Variants in CNTNAP2 observed in about 807,000 individuals in gnomAD.
CNTNAP2 encodes the protein contactin associated protein 2.
Under a neutral mutation model 155.2 loss-of-function variants are expected in CNTNAP2, and 98 were observed. The observed-to-expected ratio is 0.63, with a 90% CI of 0.54 to 0.75. The LOEUF (loss-of-function observed/expected upper bound fraction) is 0.75, where lower values mean the gene tolerates loss of function less well. Ranked by LOEUF, CNTNAP2 falls within the 30% of genes least tolerant of loss-of-function variation. CNTNAP2 has a pLI of 0.00. For synonymous variants in CNTNAP2, 651 were observed against 631.2 expected, an observed-to-expected ratio of 1.03 and a Z score of -0.47; for missense variants, 1,727 against 1,688.1, an observed-to-expected ratio of 1.02 and a Z score of -0.40.
chr7:148,264,210 TTTA>T (rs1419437963), intron 20 of CNTNAP2, among the ~76,000 whole-genome samples: 8 of 152,232 alleles, frequency 5.3e-5, no homozygotes, highest in Admixed American at 5.2e-4. Context: ...TTGTTGTATA[TTTA>T]TTGAGACAGA....
intron 21 of CNTNAP2, among the ~76,000 whole-genome samples, chr7:148,269,147 C>A (rs1176625069): frequency 6.6e-6 from 1 of 152,022 alleles, no homozygotes; most frequent in Non-Finnish European, 1.5e-5. Context: ...AGCCCAAGAC[C>A]ACACACCTGG....
chr7:146,638,741 T>C (rs1037053962), intron 1 of CNTNAP2, among the ~76,000 whole-genome samples: 1 of 151,864 alleles, frequency 6.6e-6, no homozygotes, highest in African/African-American at 2.4e-5. Flanking sequence ...CGCCTCGGCC[T>C]CCCAAAGTGT....
intron 1 of CNTNAP2, among the ~76,000 whole-genome samples, chr7:146,212,445 T>G (rs140848118): frequency 1.5e-3 from 225 of 152,248 alleles, no homozygotes; most frequent in African/African-American, 5.3e-3. Flanking sequence ...TCAGCCCAGG[T>G]ATGTACCCTA....
chr7:146,744,359 A>C (rs1179557112), intron 1 of CNTNAP2, among the ~76,000 whole-genome samples: 1 of 151,888 alleles, frequency 6.6e-6, no homozygotes, highest in Non-Finnish European at 1.5e-5. Context: ...ATTAAGCCTT[A>C]TTTACTGGGA....
At chr7:147,818,696 T>C (rs1798315690) in intron 13 of CNTNAP2, among the ~76,000 whole-genome samples, 1 of 152,216 alleles carries the variant, frequency 6.6e-6, no homozygotes, top group African/African-American at 2.4e-5. Context: ...TTAACAATGC[T>C]AATTCTAAGC....
rs376817827 is a variant in CNTNAP2 at position 146,759,681 on chromosome 7, C to CAAAAAAAAA, written c.98-14568_98-14560dup. Among the ~76,000 whole-genome samples, 45 of 54,644 alleles carry CAAAAAAAAA rather than the reference C, an allele frequency of 8.2e-4. 2 individuals are homozygous for CAAAAAAAAA. The highest frequency in any genetic ancestry group is 1.9e-3 in the African/African-American group (45 of 24,156). The allele number at this position is 54,644 out of a possible 152,430, so 35.8% of individuals were successfully genotyped here. On this transcript the variant is annotated intron_variant, in intron 1 of 23. Transcript: ENST00000361727. ...CATCCTGGCAACACAGTGAGACTGT[C>CAAAAAAAAA]AAAAAAAAAAAAAAAAAAAAAAAAA...
At chr7:147,161,981 A>C (rs1802035217) in intron 8 of CNTNAP2, 1 of 152,130 alleles carries the variant, frequency 6.6e-6, no homozygotes, top group Non-Finnish European at 1.5e-5. Context: ...ATTGCCTCCT[A>C]TATGCTACCA....
rs1042797898 is a variant in CNTNAP2 at position 146,734,330 on chromosome 7, G to T, written c.98-39941G>T. ...AGAGAGTTAAAATTGTTTTCAAAAA[G>T]CATGTTAGGAGTTCACCTAATGGGA... is the stretch of plus-strand genomic sequence containing the variant. On this transcript the variant is annotated intron_variant, in intron 1 of 23. Coordinates refer to ENST00000361727, the MANE Select transcript of CNTNAP2 (RefSeq NM_014141.6). 3.3e-5 allele frequency among the ~76,000 whole-genome samples: 5 copies of T among 152,182 alleles called. No individual in the cohort carries two copies. The East Asian group carries it at 9.7e-4, about 29-fold the overall frequency.
At chr7:146,330,384 C>A (rs1046725090) in intron 1 of CNTNAP2, among the ~76,000 whole-genome samples, 3 of 152,116 alleles carry the variant, frequency 2.0e-5, no homozygotes, top group African/African-American at 7.2e-5. Context: ...GGAAGCATCA[C>A]AAAGTTCCTG....
intron 8 of CNTNAP2, among the ~76,000 whole-genome samples, chr7:147,184,302 C>T (rs13232077): frequency 0.082 from 12,539 of 152,192 alleles, 539 homozygotes; most frequent in Non-Finnish European, 0.1. Context: ...GTGGGTTTTC[C>T]AATGCCTGAG....
rs1232151273 is a variant in CNTNAP2, at chr7:146,968,775, T to TG, written c.403-75132_403-75131insG. On this transcript the variant is annotated intron_variant, in intron 3 of 23. Transcript: ENST00000361727. ...TCAAAAAACCAGTTCCTGGATTCAT[T>TG]AATTTTTTGAAGGGTTTTTTGTGTC... 2.0e-5 allele frequency among the ~76,000 whole-genome samples: 3 copies of TG among 151,612 alleles called. No homozygotes were observed. In the East Asian group the frequency reaches 5.8e-4, roughly 29 times the overall value.
rs1054701364 is a variant in CNTNAP2, at chr7:146,862,668, C to T, written c.402+22764C>T. ...CAACTCTCAAAGGTTAGAGCAGATG[C>T]TTTTAATCAGATGCTGTTTTCATTT... On this transcript the variant is annotated intron_variant, in intron 3 of 23. Transcript: ENST00000361727. Among the ~76,000 whole-genome samples the T allele has an allele frequency of 2.3e-4, 35 of 152,166 alleles. 1 individual carries two copies. The highest frequency in any genetic ancestry group is 8.2e-4 in the African/African-American group (34 of 41,456).
intron 1 of CNTNAP2, among the ~76,000 whole-genome samples, chr7:146,284,764 G>T (rs1230167139): frequency 6.6e-6 from 1 of 152,148 alleles, no homozygotes; most frequent in African/African-American, 2.4e-5. Flanking sequence ...AACCTGACGG[G>T]GTTTGACTGC....
intron 8 of CNTNAP2, among the ~76,000 whole-genome samples, chr7:147,215,152 C>T (rs1187871624): frequency 2.0e-5 from 3 of 152,084 alleles, no homozygotes; most frequent in Non-Finnish European, 4.4e-5. Context: ...CAAATTATAT[C>T]AATGAAGTGT....
At position 147,614,639 on chromosome 7, in the gene CNTNAP2, T is replaced by C. The variant is rs975689797; in HGVS notation, c.1898-24467T>C. ...TTATTATTATTATGTTTTACTTTCT[T>C]TTTCTAATGACTAAGACCCCAACAT... On this transcript the variant is annotated intron_variant, in intron 12 of 23. Transcript: ENST00000361727. Among the ~76,000 whole-genome samples the C allele has an allele frequency of 2.0e-5, 3 of 151,798 alleles. No homozygotes were observed. The South Asian group carries it at 6.2e-4, about 31-fold the overall frequency.
At chr7:146,407,014 GT>G (rs1214290908) in intron 1 of CNTNAP2, among the ~76,000 whole-genome samples, 2 of 152,212 alleles carry the variant, frequency 1.3e-5, no homozygotes, top group Non-Finnish European at 2.9e-5. Flanking sequence ...TAGGATGAGA[GT>G]TTTGATCAAT....
chr7:147,932,850 C>T (rs1800530894), intron 14 of CNTNAP2, among the ~76,000 whole-genome samples: 1 of 152,072 alleles, frequency 6.6e-6, no homozygotes, highest in South Asian at 2.1e-4. Flanking sequence ...ATAAGGAACT[C>T]CTCCAACTTA....
At chr7:146,194,048 A>G (rs1798743716) in intron 1 of CNTNAP2, among the ~76,000 whole-genome samples, 1 of 152,222 alleles carries the variant, frequency 6.6e-6, no homozygotes, top group Admixed American at 6.5e-5. Context: ...TTCATTGTCC[A>G]TATCACTATC....
chr7:147,371,890 A>T (rs1364287600), intron 9 of CNTNAP2, among the ~76,000 whole-genome samples: 1 of 152,142 alleles, frequency 6.6e-6, no homozygotes, highest in Non-Finnish European at 1.5e-5. Flanking sequence ...ATACATATGG[A>T]GGAAATGGAC....
Sources: allele counts gnomAD v4.1 joint callset (sites outside exome capture counted in the v4.1 genomes callset), GRCh38; gene constraint gnomAD v4.1.1; transcripts MANE v1.5; gene names NCBI Gene and HGNC (gene_info 2026-07-23, HGNC 2026-07-21).